Variants in PUM3 observed in about 807,000 individuals in gnomAD.
PUM3 encodes pumilio homolog 3.
A neutral mutation model predicts 84.0 loss-of-function variants in PUM3; 91 were observed. The observed-to-expected ratio is 1.08, with a 90% CI of 0.91 to 1.29. The LOEUF (loss-of-function observed/expected upper bound fraction) is 1.29, where lower values mean the gene tolerates loss of function less well. PUM3 is among the 50% of genes most tolerant of loss of function. PUM3 has a pLI of 0.00. For synonymous variants in PUM3, 321 were observed against 266.7 expected, an observed-to-expected ratio of 1.20 and a Z score of -1.98; for missense variants, 1,067 against 767.5, an observed-to-expected ratio of 1.39 and a Z score of -4.61.
At chr9:2,826,645 T>C (rs1398926581) in intron 10 of PUM3, among the ~76,000 whole-genome samples, 2 of 152,224 alleles carry the variant, frequency 1.3e-5, no homozygotes, top group South Asian at 2.1e-4. Flanking sequence ...TGTTCTTCTA[T>C]GATATAAAGT....
rs1311558025 is a variant in PUM3, at chr9:2,807,876, A to G, written c.1752T>C (p.His584=). The change falls in exon 17 of 18, where the codon CAT becomes CAC. Residue 584 remains histidine, a synonymous_variant. Transcript: ENST00000397885. ...AGGACTTCAGGTTCTTCATACCAACATGCTCTACAAGTGTTTTTGCAAAAC... is the reference window on the plus strand; with the variant it reads ...AGGACTTCAGGTTCTTCATACCAACGTGCTCTACAAGTGTTTTTGCAAAAC... The part of the protein sequence containing the change: ...EGCFAKTLVE[H]VGMKNLKSWA... 1 of 1,613,390 alleles carries G rather than the reference A, an allele frequency of 6.2e-7. No individual in the cohort carries two copies. The highest frequency in any genetic ancestry group is 1.7e-5 in the Admixed American group (1 of 60,016).
At chr9:2,811,778 G>A (rs1226274121) in intron 14 of PUM3, among the ~76,000 whole-genome samples, 195 bp from the exon 15 acceptor site, 6 of 148,680 alleles carry the variant, frequency 4.0e-5, no homozygotes, top group Non-Finnish European at 7.4e-5. Flanking sequence ...TGTGTCCCAC[G>A]ATCTGAATAG....
chr9:2,826,633 T>A (rs1349142423), intron 10 of PUM3, among the ~76,000 whole-genome samples: 1 of 152,224 alleles, frequency 6.6e-6, no homozygotes, highest in Non-Finnish European at 1.5e-5. Flanking sequence ...TTACCTTCAC[T>A]CTGTTCTTCT....
chr9:2,841,584 T>A (rs566696491), intron 1 of PUM3, among the ~76,000 whole-genome samples: 1 of 152,016 alleles, frequency 6.6e-6, no homozygotes, highest in Non-Finnish European at 1.5e-5. Flanking sequence ...TAAACTACCA[T>A]AGCAATTAAT....
At chr9:2,827,289 T>A (rs557264010) in intron 9 of PUM3, 138 bp from the exon 10 acceptor site, 7 of 597,038 alleles carry the variant, frequency 1.2e-5, no homozygotes, top group Non-Finnish European at 2.8e-6. Flanking sequence ...TAAAATAGAC[T>A]GTATTTTTCA....
At chr9:2,831,928 G>A (rs1026739397) in intron 5 of PUM3, among the ~76,000 whole-genome samples, 2 of 152,136 alleles carry the variant, frequency 1.3e-5, no homozygotes, top group Non-Finnish European at 2.9e-5. Context: ...AAGAGTTGTT[G>A]TGTTTTGAAT....
chr9:2,820,109 T>C lies in PUM3; in HGVS notation c.1189-11A>G, dbSNP rs750601466. 5.7e-5 allele frequency: 90 copies of C among 1,592,778 alleles called. No individual in the cohort carries two copies. The highest frequency in any genetic ancestry group is 7.6e-5 in the Non-Finnish European group (88 of 1,161,796). On this transcript the variant is annotated splice_polypyrimidine_tract_variant and intron_variant, in intron 12 of 17. Coordinates refer to ENST00000397885, the MANE Select transcript of PUM3 (RefSeq NM_014878.5). ...ATGGGAGTATTGGCCCTGCAAGAAT[T>C]GGAAGCCAGCAAAGGTTAAAAACAA...
chr9:2,834,571 A>G (rs1219480816), intron 3 of PUM3, among the ~76,000 whole-genome samples: 1 of 152,222 alleles, frequency 6.6e-6, no homozygotes, highest in Admixed American at 6.5e-5. Context: ...ACAACTTCGA[A>G]AATTCACTGT....
rs1455395888 is a variant in PUM3 at position 2,834,123 on chromosome 9, C to T, written c.348G>A (p.Lys116=). 3 of 1,613,544 alleles carry T rather than the reference C, an allele frequency of 1.9e-6. No homozygotes were observed. The highest frequency in any genetic ancestry group is 2.5e-6 in the Non-Finnish European group (3 of 1,179,692). Residue 116 remains lysine (K), a synonymous_variant, in exon 4 of 18, where the codon AAG becomes AAA. Transcript: ENST00000397885. ...KKPKWDDFKK[K]KKELKQSRQL... is the part of the protein sequence containing the mutation. ...GTCTGCTTTGCTTCAGTTCTTTCTT[C>T]TTCTTTTTGAAGTCATCCCATTTGG... is the stretch of plus-strand genomic sequence containing the variant.
At chr9:2,833,959 A>G in intron 4 of PUM3, 72 bp downstream of exon 4, 1 of 1,478,944 alleles carries the variant, frequency 6.8e-7, no homozygotes, top group Non-Finnish European at 9.2e-7. Context: ...AGGACATCTC[A>G]CTATTTACAA....
chr9:2,810,299 G>C, intron 16 of PUM3, 45 bp downstream of exon 16: 1 of 1,261,460 alleles, frequency 7.9e-7, no homozygotes, highest in Non-Finnish European at 1.2e-6. Flanking sequence ...GGAATTACTG[G>C]AATTCCACAT....
At chr9:2,827,881 G>C (rs1049630861) in intron 9 of PUM3, among the ~76,000 whole-genome samples, 37 of 152,170 alleles carry the variant, frequency 2.4e-4, no homozygotes, top group African/African-American at 8.4e-4. Flanking sequence ...GGGAGGTTAA[G>C]TTGCCAAAGA....
chr9:2,830,005 A>G, intron 7 of PUM3, 57 bp from the exon 8 acceptor site: 3 of 1,491,834 alleles, frequency 2.0e-6, no homozygotes, highest in Non-Finnish European at 2.8e-6. Context: ...CTGGGTGACA[A>G]TAAAACACAA....
chr9:2,816,606 C>T (rs1821474475), intron 13 of PUM3, among the ~76,000 whole-genome samples: 1 of 152,172 alleles, frequency 6.6e-6, no homozygotes, highest in Admixed American at 6.5e-5. Context: ...GTGCCCACCA[C>T]CTTGCAGAGG....
chr9:2,805,036 C>A (rs1368425923), intron 17 of PUM3, among the ~76,000 whole-genome samples: 1 of 152,138 alleles, frequency 6.6e-6, no homozygotes, highest in Admixed American at 6.5e-5. Flanking sequence ...GGAAACCTGC[C>A]TCTACCACTC....
intron 1 of PUM3, among the ~76,000 whole-genome samples, chr9:2,841,228 T>C (rs1300747582): frequency 6.6e-6 from 1 of 152,212 alleles, no homozygotes; most frequent in Non-Finnish European, 1.5e-5. Context: ...GAAATAAATT[T>C]ACAATGACAG....
chr9:2,835,979 G>A (rs1816109386), intron 3 of PUM3, among the ~76,000 whole-genome samples: 1 of 152,054 alleles, frequency 6.6e-6, no homozygotes, highest in Admixed American at 6.6e-5. Context: ...CTAGTAGAGA[G>A]GTTAGGAAAG....
At chr9:2,809,165 T>G (rs1006416579) in intron 16 of PUM3, among the ~76,000 whole-genome samples, 2 of 152,188 alleles carry the variant, frequency 1.3e-5, no homozygotes, top group Non-Finnish European at 2.9e-5. Context: ...GTCATTGTTT[T>G]GAAAACTACT....
chr9:2,836,770 G>C (rs952689571), intron 3 of PUM3, among the ~76,000 whole-genome samples: 9 of 152,210 alleles, frequency 5.9e-5, no homozygotes, highest in Non-Finnish European at 1.3e-4. Context: ...TCTATGATTA[G>C]TTGGGGCCTG....
Sources: allele counts gnomAD v4.1 joint callset (sites outside exome capture counted in the v4.1 genomes callset), GRCh38; gene constraint gnomAD v4.1.1; transcripts MANE v1.5; gene names NCBI Gene and HGNC (gene_info 2026-07-23, HGNC 2026-07-21).